The following CTCF variants were observed in gnomAD, a reference collection of about 807,000 sequenced individuals.
CTCF encodes the protein transcriptional repressor CTCF.
A neutral mutation model predicts 72.3 loss-of-function variants in CTCF; 7 were observed. The ratio of observed to expected loss-of-function variants is 0.10; its 90% CI spans 0.06 to 0.18. The LOEUF is 0.18. Among genes scored for constraint, CTCF ranks in the 10% least tolerant of loss-of-function variants. CTCF has a pLI of 1.00. For missense variants in CTCF, 516 were observed against 949.1 expected (o/e 0.54, Z 6.00); for synonymous variants, 374 against 315.8 (o/e 1.18, Z -1.95).
At chr16:67,572,457 T>G (rs1321678235) in intron 2 of CTCF, 1 of 152,194 alleles carries the variant, frequency 6.6e-6, no homozygotes, top group East Asian at 1.9e-4. Flanking sequence ...TCCCTGTTTC[T>G]CAAACTGGGA....
At chr16:67,603,385 T>C (rs1030757297) in intron 2 of CTCF, among the ~76,000 whole-genome samples, 3 of 150,072 alleles carry the variant, frequency 2.0e-5, no homozygotes, top group Non-Finnish European at 4.4e-5. Context: ...AAAACAAAAT[T>C]AGCTGGGAGT....
At chr16:67,591,609 G>A (rs1220108202) in intron 2 of CTCF, among the ~76,000 whole-genome samples, 2 of 152,092 alleles carry the variant, frequency 1.3e-5, no homozygotes, top group Non-Finnish European at 2.9e-5. Context: ...TTTAAACCTA[G>A]CTTTTACTCT....
At chr16:67,568,198 G>C (rs1294918810) in intron 1 of CTCF, 1 of 151,846 alleles carries the variant, frequency 6.6e-6, no homozygotes, top group Non-Finnish European at 1.5e-5. Flanking sequence ...TCCTGCTTCA[G>C]CCTCGGGAGT....
chr16:67,637,904 C>G lies in CTCF; in HGVS notation c.*32C>G, dbSNP rs776300552. The G allele has an allele frequency of 6.5e-7, 1 of 1,540,626 alleles. No individual in the cohort carries two copies. Among genetic ancestry groups the G allele is most frequent in the Non-Finnish European group, 8.8e-7 (1 of 1,139,136 alleles). On this transcript the variant is annotated 3_prime_UTR_variant, in exon 12 of 12. Transcript: ENST00000264010. The stretch of plus-strand genomic sequence containing the variant: ...AGCCTTGTGCGTCGCCAGGACTTCT[C>G]TGGGCTGTGTTTAAACGGCCCGCAT...
intron 2 of CTCF, among the ~76,000 whole-genome samples, chr16:67,600,978 G>C (rs916918034): frequency 6.6e-6 from 1 of 152,070 alleles, no homozygotes; most frequent in Non-Finnish European, 1.5e-5. Context: ...AAATATGTAG[G>C]AATTAGAGTG....
chr16:67,574,432 C>T (rs2051467442), intron 2 of CTCF, among the ~76,000 whole-genome samples: 1 of 152,014 alleles, frequency 6.6e-6, no homozygotes, highest in Non-Finnish European at 1.5e-5. Context: ...ACTTCCCCCT[C>T]CCAGGTTCAA....
At chr16:67,637,237 T>C (rs2052442946) in intron 11 of CTCF, among the ~76,000 whole-genome samples, 2 of 152,138 alleles carry the variant, frequency 1.3e-5, no homozygotes, top group South Asian at 4.1e-4. Context: ...AGATTGCCCC[T>C]TCTAAGAAAC....
rs1310131518 is a variant in CTCF at position 67,610,823 on chromosome 16, G to A, written c.-9-1G>A. The A allele has an allele frequency of 2.1e-6, 3 of 1,462,342 alleles. No individual in the cohort carries two copies. The highest frequency in any genetic ancestry group is 1.8e-4 in the Middle Eastern group (1 of 5,442). The allele number at this position is 1,462,342 out of a possible 1,614,324, so 90.6% of individuals were successfully genotyped here. A position where few individuals can be genotyped will look rare whatever the true frequency, so the allele number is the denominator to read the frequency against. ...ACAATCTGTGTTCTCCCTTAATAAA[G>A]GCAGGGGAAATGGAAGGTGATGCAG... On this transcript the variant is annotated splice_acceptor_variant, in intron 2 of 11. Transcript: ENST00000264010. LOFTEE classifies it low-confidence loss of function (5UTR_SPLICE).
At chr16:67,608,142 GT>G (rs1308465225) in intron 2 of CTCF, among the ~76,000 whole-genome samples, 4 of 151,860 alleles carry the variant, frequency 2.6e-5, no homozygotes, top group African/African-American at 9.7e-5. Context: ...GGCTAACATG[GT>G]GAAACCCCGT....
chr16:67,565,448 G>T (rs998581587), intron 1 of CTCF, among the ~76,000 whole-genome samples: 1 of 152,014 alleles, frequency 6.6e-6, no homozygotes, highest in Non-Finnish European at 1.5e-5. Flanking sequence ...ACCAAGGCGG[G>T]AGAATCACGA....
chr16:67,573,950 G>A (rs1345661809), intron 2 of CTCF, among the ~76,000 whole-genome samples: 1 of 151,958 alleles, frequency 6.6e-6, no homozygotes, highest in Non-Finnish European at 1.5e-5. Context: ...AGAATCGCTT[G>A]AACCCGGGAG....
chr16:67,620,983 C>G, intron 6 of CTCF, 166 bp downstream of exon 6: 1 of 516,514 alleles, frequency 1.9e-6, no homozygotes, highest in Non-Finnish European at 3.1e-6. Flanking sequence ...ATTCGTTGTT[C>G]AGAAAACACA....
intron 2 of CTCF, among the ~76,000 whole-genome samples, chr16:67,609,487 T>TTTTC (rs772602174): frequency 2.8e-4 from 43 of 152,198 alleles, no homozygotes; most frequent in Non-Finnish European, 4.4e-4. Flanking sequence ...TGTCACATCT[T>TTTTC]TTTCACCATT....
chr16:67,625,002 G>A (rs2052263726), intron 7 of CTCF, among the ~76,000 whole-genome samples: 1 of 152,114 alleles, frequency 6.6e-6, no homozygotes, highest in South Asian at 2.1e-4. Context: ...TCGGCTCACT[G>A]CAACCACCAC....
At chr16:67,626,126 C>A (rs901940041) in intron 7 of CTCF, among the ~76,000 whole-genome samples, 3 of 151,874 alleles carry the variant, frequency 2.0e-5, no homozygotes, top group Non-Finnish European at 4.4e-5. Context: ...CTGTATAGCA[C>A]CCAGAGTAAT....
chr16:67,605,128 A>G (rs2051957339), intron 2 of CTCF, among the ~76,000 whole-genome samples: 1 of 150,786 alleles, frequency 6.6e-6, no homozygotes. Flanking sequence ...ACCCGCCACC[A>G]CTCCTGGCTA....
At chr16:67,591,069 GATCACTT>G (rs1229659683) in intron 2 of CTCF, among the ~76,000 whole-genome samples, 30 of 151,638 alleles carry the variant, frequency 2.0e-4, no homozygotes, top group African/African-American at 7.3e-4. Flanking sequence ...GAGGCGGGCA[GATCACTT>G]GAGGTCAGGA....
At chr16:67,635,808 T>C (rs1285729501) in intron 10 of CTCF, among the ~76,000 whole-genome samples, 2 of 152,102 alleles carry the variant, frequency 1.3e-5, no homozygotes, top group South Asian at 2.1e-4. Flanking sequence ...TTATTTCTTG[T>C]AGAGATAAGG....
chr16:67,610,719 T>C (rs942268110), intron 2 of CTCF, 105 bp from the exon 3 acceptor site: 6 of 779,796 alleles, frequency 7.7e-6, no homozygotes, highest in African/African-American at 7.1e-5. Context: ...TTAACAACCA[T>C]TGATGCCTAA....
Sources: allele counts gnomAD v4.1 joint callset (sites outside exome capture counted in the v4.1 genomes callset), GRCh38; gene constraint gnomAD v4.1.1; transcripts MANE v1.5; gene names NCBI Gene and HGNC (gene_info 2026-07-23, HGNC 2026-07-21).